ABCB5: variants seen among roughly 807,000 people sequenced by gnomAD.
ABCB5 encodes ATP-binding cassette sub-family B member 5.
ABCB5 carries 155 observed loss-of-function variants against 144.2 expected under a neutral mutation model. The observed-to-expected ratio is 1.08, with a 90% confidence interval of 0.94 to 1.23. The LOEUF is 1.23. ABCB5 is among the 50% of genes most tolerant of loss of function. The pLI is 0.00. For missense variants in ABCB5, 1,830 were observed against 1,520.8 expected, an observed-to-expected ratio of 1.20 and a Z score of -3.38; for synonymous variants, 610 against 528.6, an observed-to-expected ratio of 1.15 and a Z score of -2.11.
rs568419925 is a variant in ABCB5 at position 20,728,590 on chromosome 7, C to T, written c.2867+135C>T. On this transcript the variant is annotated intron_variant, in intron 23 of 27. Coordinates refer to ENST00000404938, the MANE Select transcript of ABCB5 (RefSeq NM_001163941.2). Reference sequence around the variant, plus strand: ...CCAACATAATAAAACCCCATCTCTACTAAAAATACAAAAATTAGCTGGGTG... The same window carrying T: ...CCAACATAATAAAACCCCATCTCTATTAAAAATACAAAAATTAGCTGGGTG... The T allele has an allele frequency of 6.5e-5, 68 of 1,052,502 alleles. No homozygotes were observed. The South Asian group carries it at 8.1e-4, about 12-fold the overall frequency. 65.2% of individuals were successfully genotyped at this position (1,052,502 alleles called of 1,614,324 possible).
intron 20 of ABCB5, among the ~76,000 whole-genome samples, chr7:20,719,570 C>T (rs1331159160): frequency 6.6e-6 from 1 of 152,140 alleles, no homozygotes; most frequent in African/African-American, 2.4e-5. Flanking sequence ...GAGTGCTGGC[C>T]TTCCGTCAGT....
rs1562558968 is a variant in ABCB5, at chr7:20,681,024, TTCTTTCTTTC to T, written c.1708-469_1708-460del. 1.6e-3 allele frequency among the ~76,000 whole-genome samples: 16 copies of T among 10,302 alleles called. 4 individuals are homozygous for T. Among genetic ancestry groups the T allele is most frequent in the African/African-American group, 4.8e-3 (15 of 3,094 alleles). The allele number at this position is 10,302 out of a possible 152,430, so 6.8% of individuals were successfully genotyped here. A position where few individuals can be genotyped will look rare whatever the true frequency, so the allele number is the denominator to read the frequency against. ...TTTCTTTCTTTCTTTCTTTCTTTCT[TTCTTTCTTTC>T]TCTTTCTTTCTTTCTCTCTCTCTCT... On this transcript the variant is annotated intron_variant, in intron 14 of 27. Coordinates refer to ENST00000404938, the MANE Select transcript of ABCB5 (RefSeq NM_001163941.2).
At chr7:20,666,903 G>T (rs548289496) in intron 14 of ABCB5, 2 of 1,318,076 alleles carry the variant, frequency 1.5e-6, no homozygotes, top group East Asian at 5.8e-5. Flanking sequence ...AAATTTTCCT[G>T]ATCAGTTTTT....
chr7:20,678,120 G>A (rs1256760866), intron 14 of ABCB5, among the ~76,000 whole-genome samples: 2 of 152,098 alleles, frequency 1.3e-5, no homozygotes, highest in Non-Finnish European at 2.9e-5. Context: ...GGTACTATTA[G>A]TATATTGATA....
Position 20,753,445 on chromosome 7 carries a change from A to C in ABCB5, c.3515A>C (p.Gln1172Pro). Residue 1172 changes from glutamine (Q) to proline (P), a missense_variant, in exon 27 of 28, where the codon CAA becomes CCA. Coordinates refer to ENST00000404938, the MANE Select transcript of ABCB5 (RefSeq NM_001163941.2). ...QRLAIARALLQKPKILLLDEA... is the reference protein window; with the variant it reads ...QRLAIARALLPKPKILLLDEA... The stretch of plus-strand genomic sequence containing the variant: ...CTAGCTATTGCAAGGGCTCTTCTCC[A>C]AAAACCCAAAATTTTATTGTTGGAT... 6.2e-7 allele frequency: 1 copy of C among 1,614,042 alleles called. No individual in the cohort carries two copies. Among genetic ancestry groups the C allele is most frequent in the Non-Finnish European group, 8.5e-7 (1 of 1,179,946 alleles).
chr7:20,679,576 T>C (rs1026196765), intron 14 of ABCB5, among the ~76,000 whole-genome samples: 1 of 151,776 alleles, frequency 6.6e-6, no homozygotes, highest in East Asian at 1.9e-4. Context: ...TTCTACAGTA[T>C]ATAAACAACT....
In ABCB5 at chr7:20,709,869, T is replaced by G. The variant is rs186394306; in HGVS notation, c.2421+5062T>G. Among the ~76,000 whole-genome samples the G allele has an allele frequency of 6.8e-3, 1,002 of 147,064 alleles. 70 individuals carry two copies. The highest frequency in any genetic ancestry group is 0.024 in the African/African-American group (923 of 39,206). ...GACAAGGTGGGCGGATCACCTGAGGTGTTAGACACCAGGCTGCCAACATGG... is the reference window on the plus strand; with the variant it reads ...GACAAGGTGGGCGGATCACCTGAGGGGTTAGACACCAGGCTGCCAACATGG... On this transcript the variant is annotated intron_variant, in intron 20 of 27. Coordinates refer to ENST00000404938, the MANE Select transcript of ABCB5 (RefSeq NM_001163941.2).
At chr7:20,727,831 G>A (rs913529713) in intron 22 of ABCB5, among the ~76,000 whole-genome samples, 1 of 151,318 alleles carries the variant, frequency 6.6e-6, no homozygotes, top group Non-Finnish European at 1.5e-5. Flanking sequence ...TTTTAAACTA[G>A]TCCTCCTTAT....
intron 10 of ABCB5, 142 bp downstream of exon 10, chr7:20,647,790 T>A: frequency 1.5e-6 from 2 of 1,339,970 alleles, no homozygotes. Context: ...GAGACTGCCT[T>A]TAATTCTTTT....
intron 14 of ABCB5, among the ~76,000 whole-genome samples, chr7:20,679,313 C>T (rs1785711302): frequency 1.3e-5 from 2 of 151,564 alleles, no homozygotes; most frequent in South Asian, 4.2e-4. Flanking sequence ...GCTAAAAATA[C>T]AAAAAATTAG....
At chr7:20,633,753 ATC>A (rs1366803561) in intron 5 of ABCB5, among the ~76,000 whole-genome samples, 1 of 152,126 alleles carries the variant, frequency 6.6e-6, no homozygotes, top group Non-Finnish European at 1.5e-5. Context: ...ATTAACAAAT[ATC>A]TCCTTATCCC....
At chr7:20,664,162 AC>A (rs1248077437) in intron 14 of ABCB5, among the ~76,000 whole-genome samples, 1 of 152,208 alleles carries the variant, frequency 6.6e-6, no homozygotes, top group Non-Finnish European at 1.5e-5. Flanking sequence ...GAAGGATCAT[AC>A]CCTTTAAAAT....
intron 2 of ABCB5, among the ~76,000 whole-genome samples, chr7:20,623,548 T>C (rs1022520299): frequency 1.3e-5 from 2 of 152,224 alleles, no homozygotes; most frequent in Non-Finnish European, 2.9e-5. Flanking sequence ...GATTTATTTA[T>C]CCAGGATTTA....
chr7:20,643,641 G>C lies in ABCB5; in HGVS notation c.678+9G>C, dbSNP rs996473015. On this transcript the variant is annotated intron_variant, in intron 7 of 27. Coordinates refer to ENST00000404938, the MANE Select transcript of ABCB5 (RefSeq NM_001163941.2). ...CGGCAGCATGTTCTAGGGTAAGTGA[G>C]ATGGCTAATGCAATATTGAATGGAA... is the stretch of plus-strand genomic sequence containing the variant. 6 of 1,613,352 alleles carry C rather than the reference G, an allele frequency of 3.7e-6. No individual in the cohort carries two copies. In the African/African-American group the frequency reaches 4.0e-5, roughly 11 times the overall value.
chr7:20,740,878 G>A (rs1165249513), intron 24 of ABCB5, among the ~76,000 whole-genome samples: 3 of 151,988 alleles, frequency 2.0e-5, no homozygotes, highest in South Asian at 2.1e-4. Context: ...AGGCTGAGAC[G>A]GGCGGATCAC....
chr7:20,724,544 A>T (rs1205939171), intron 21 of ABCB5, among the ~76,000 whole-genome samples: 2 of 147,614 alleles, frequency 1.4e-5, no homozygotes, highest in East Asian at 4.0e-4. Flanking sequence ...CAGGAGAATC[A>T]CTTGAACCCA....
At chr7:20,649,967 T>C (rs1354541094) in intron 11 of ABCB5, 55 bp from the exon 12 acceptor site, 7 of 1,535,914 alleles carry the variant, frequency 4.6e-6, no homozygotes, top group African/African-American at 2.7e-5. Context: ...TCTGAAAATG[T>C]GTCCATCATC....
At chr7:20,667,074 T>C in intron 14 of ABCB5, 1 of 538,062 alleles carries the variant, frequency 1.9e-6, no homozygotes, top group Non-Finnish European at 2.5e-6. Flanking sequence ...GTACCTTGAA[T>C]ATGTACAGTA....
intron 19 of ABCB5, among the ~76,000 whole-genome samples, chr7:20,702,336 A>C (rs1786656250): frequency 6.6e-6 from 1 of 152,174 alleles, no homozygotes; most frequent in Admixed American, 6.5e-5. Context: ...GGGGTTCTTT[A>C]AATTATGATA....
Sources: gnomAD v4.1 joint callset for allele counts (sites outside exome capture counted in the v4.1 genomes callset) on GRCh38, gnomAD v4.1.1 for gene constraint, MANE v1.5 for transcripts, NCBI Gene and HGNC (gene_info 2026-07-23, HGNC 2026-07-21) for gene names.